CDC27: variants seen among roughly 807,000 people sequenced by gnomAD.
CDC27 encodes the protein cell division cycle protein 27 homolog.
A neutral mutation model predicts 109.7 loss-of-function variants in CDC27; 27 were observed. The ratio of observed to expected loss-of-function variants is 0.25; its 90% CI spans 0.18 to 0.34. The LOEUF (loss-of-function observed/expected upper bound fraction) is 0.34, where lower values mean the gene tolerates loss of function less well. Among genes scored for constraint, CDC27 ranks in the 10% least tolerant of loss-of-function variants. The pLI is 1.00. For synonymous variants in CDC27, 266 were observed against 333.9 expected, an observed-to-expected ratio of 0.80 and a Z score of 2.22; for missense variants, 579 against 960.2, an observed-to-expected ratio of 0.60 and a Z score of 5.25.
At chr17:47,150,400 T>C (rs1251215743) in intron 9 of CDC27, among the ~76,000 whole-genome samples, 1 of 152,198 alleles carries the variant, frequency 6.6e-6, no homozygotes, top group Non-Finnish European at 1.5e-5. Flanking sequence ...ATAACTGTTG[T>C]CTTTACAAGA....
Position 47,128,437 on chromosome 17 carries a change from CT to C in CDC27, c.2160+955del, listed in dbSNP as rs1445774824. On this transcript the variant is annotated intron_variant, in intron 16 of 18. Transcript: ENST00000066544. ...ATCTCTTTCTCAGTTTCCTTATCTT[CT>C]TTTTTCAATACTTGTTTCAGGCTAA... 4.6e-5 allele frequency among the ~76,000 whole-genome samples: 7 copies of C among 152,098 alleles called. No homozygotes were observed. In the East Asian group the frequency reaches 1.3e-3, roughly 29 times the overall value.
Position 47,143,872 on chromosome 17 carries a change from C to T in CDC27, c.1170+11G>A, listed in dbSNP as rs556376188. ...TTAAGTAAATGTGACATACAGAAAT[C>T]TTTAAATTACCTTGGTTGTGGAGCT... On this transcript the variant is annotated intron_variant, in intron 10 of 18. Coordinates refer to ENST00000066544, the MANE Select transcript of CDC27 (RefSeq NM_001256.6). The T allele has an allele frequency of 7.3e-7, 1 of 1,362,704 alleles. No individual in the cohort carries two copies. The highest frequency in any genetic ancestry group is 9.8e-7 in the Non-Finnish European group (1 of 1,023,680). 84.4% of individuals were successfully genotyped at this position (1,362,704 alleles called of 1,614,324 possible). A position where few individuals can be genotyped will look rare whatever the true frequency, so the allele number is the denominator to read the frequency against.
At chr17:47,173,263 C>T (rs1598574711) in intron 2 of CDC27, among the ~76,000 whole-genome samples, 1 of 151,846 alleles carries the variant, frequency 6.6e-6, no homozygotes, top group East Asian at 1.9e-4. Flanking sequence ...TCTGGTCCAT[C>T]TTATGGTTTT....
chr17:47,126,401 T>A (rs2062141652), intron 16 of CDC27, among the ~76,000 whole-genome samples: 1 of 152,072 alleles, frequency 6.6e-6, no homozygotes, highest in African/African-American at 2.4e-5. Context: ...TTTTTCTGAG[T>A]CTACTGTGGC....
Position 47,179,957 on chromosome 17 carries a change from G to A in CDC27, c.103+1605C>T, listed in dbSNP as rs557046992. Reference sequence around the variant, plus strand: ...TTTAATAATAAACAAAAACAAAAAGGAAATACTAGAAATAGAAGACAGTGG... The same window carrying A: ...TTTAATAATAAACAAAAACAAAAAGAAAATACTAGAAATAGAAGACAGTGG... On this transcript the variant is annotated intron_variant, in intron 2 of 18. Coordinates refer to ENST00000066544, the MANE Select transcript of CDC27 (RefSeq NM_001256.6). Among the ~76,000 whole-genome samples the A allele has an allele frequency of 6.6e-5, 10 of 152,146 alleles. No homozygotes were observed. In the East Asian group the frequency reaches 1.9e-3, roughly 29 times the overall value.
rs1255468847 is a variant in CDC27, at chr17:47,133,026, TATACAC to T, written c.1914-658_1914-653del. On this transcript the variant is annotated intron_variant, in intron 14 of 18. Coordinates refer to ENST00000066544, the MANE Select transcript of CDC27 (RefSeq NM_001256.6). The stretch of plus-strand genomic sequence containing the variant: ...ATATATATATATATATATATATATA[TATACAC>T]ACACACACACACACACACACACATA... 5.3e-3 allele frequency among the ~76,000 whole-genome samples: 173 copies of T among 32,358 alleles called. 7 individuals are homozygous for T. In the East Asian group the frequency reaches 0.066, roughly 12 times the overall value. 21.2% of individuals were successfully genotyped at this position (32,358 alleles called of 152,430 possible).
At chr17:47,163,774 C>CT in intron 4 of CDC27, among the ~76,000 whole-genome samples, 1 of 152,132 alleles carries the variant, frequency 6.6e-6, no homozygotes, top group East Asian at 1.9e-4. Flanking sequence ...GTTTCTTTTG[C>CT]TTTTTTTGAG....
rs1044720813 is a variant in CDC27 at position 47,119,800 on chromosome 17, C to T, written c.*1135G>A. The T allele has an allele frequency of 6.6e-6, 1 of 152,060 alleles. No homozygotes were observed. The highest frequency in any genetic ancestry group is 1.5e-5 in the Non-Finnish European group (1 of 68,006). 9.4% of individuals were successfully genotyped at this position (152,060 alleles called of 1,614,324 possible). A position where few individuals can be genotyped will look rare whatever the true frequency, so the allele number is the denominator to read the frequency against. On this transcript the variant is annotated 3_prime_UTR_variant, in exon 19 of 19. Coordinates refer to ENST00000066544, the MANE Select transcript of CDC27 (RefSeq NM_001256.6). ...CTCCTTCATAAGAATGTTTTTTCCCCCAAGCTAAAAATTTCCAACATCCTA... is the reference window on the plus strand; with the variant it reads ...CTCCTTCATAAGAATGTTTTTTCCCTCAAGCTAAAAATTTCCAACATCCTA...
intron 4 of CDC27, among the ~76,000 whole-genome samples, chr17:47,158,779 C>T (rs979258625): frequency 2.0e-5 from 3 of 152,076 alleles, no homozygotes; most frequent in Non-Finnish European, 2.9e-5. Flanking sequence ...CCACCATATC[C>T]GGCTAATTTT....
At chr17:47,131,389 T>C (rs1373343145) in intron 15 of CDC27, among the ~76,000 whole-genome samples, 1 of 152,196 alleles carries the variant, frequency 6.6e-6, no homozygotes, top group Non-Finnish European at 1.5e-5. Flanking sequence ...AAAATTATCA[T>C]GGTCAATGTC....
chr17:47,181,399 G>T, intron 2 of CDC27, 163 bp downstream of exon 2: 1 of 372,624 alleles, frequency 2.7e-6, no homozygotes. Flanking sequence ...AAAGTAGTAT[G>T]TAAGGGAACT....
Position 47,157,024 on chromosome 17 carries a change from G to A in CDC27, c.731C>T (p.Thr244Ile). 3.8e-6 allele frequency: 6 copies of A among 1,573,048 alleles called. No homozygotes were observed. The highest frequency in any genetic ancestry group is 1.1e-5 in the South Asian group (1 of 89,414). ...YIDSAVISPD[T>I]VPLGTGTSIL... ...GGAAGTTCCTGTTCCCAGTGGGACA[G>A]TATCAGGTGAAATTACAGCTGAATC... The change falls in exon 7 of 19, where the codon ACT (threonine) becomes ATT (isoleucine). Residue 244 changes from threonine (T) to isoleucine (I), a missense_variant. By Grantham distance (89) the Thr-to-Ile change is moderately conservative (BLOSUM62 -1). This residue lies in a region of CDC27 where 74 missense variants were observed against 148.9 expected (regional missense o/e 0.50). Transcript: ENST00000066544.
At chr17:47,186,158 A>C (rs908682951) in intron 1 of CDC27, among the ~76,000 whole-genome samples, 1 of 152,178 alleles carries the variant, frequency 6.6e-6, no homozygotes, top group African/African-American at 2.4e-5. Flanking sequence ...AATATTCCCA[A>C]AGTGGTGCTT....
At chr17:47,134,474 G>GT (rs112150744) in intron 14 of CDC27, among the ~76,000 whole-genome samples, 3,315 of 146,690 alleles carry the variant, frequency 0.023, 44 homozygotes, top group Middle Eastern at 0.083. Flanking sequence ...ATGCCTAATT[G>GT]TTTTTTTTTT....
intron 9 of CDC27, among the ~76,000 whole-genome samples, chr17:47,147,518 A>G (rs1024607123): frequency 1.3e-5 from 2 of 152,200 alleles, no homozygotes; most frequent in African/African-American, 2.4e-5. Flanking sequence ...TAGAAATAAC[A>G]AAGTAACAGA....
chr17:47,151,491 G>C (rs978737010), intron 9 of CDC27, among the ~76,000 whole-genome samples: 1 of 152,180 alleles, frequency 6.6e-6, no homozygotes, highest in East Asian at 1.9e-4. Context: ...CATGCATAAT[G>C]TGGGGAAGGG....
At chr17:47,173,329 G>C (rs890085644) in intron 2 of CDC27, among the ~76,000 whole-genome samples, 7 of 150,870 alleles carry the variant, frequency 4.6e-5, no homozygotes, top group Non-Finnish European at 7.4e-5. Flanking sequence ...AATTTTGGCA[G>C]ATGTGTTTTA....
chr17:47,168,188 A>G (rs2063706311), intron 4 of CDC27, among the ~76,000 whole-genome samples: 1 of 152,130 alleles, frequency 6.6e-6, no homozygotes, highest in South Asian at 2.1e-4. Flanking sequence ...TCTTATCACC[A>G]ATTTAATGGT....
At chr17:47,187,851 T>TA (rs5820646) in intron 1 of CDC27, among the ~76,000 whole-genome samples, 149,785 of 150,174 alleles carry the variant, frequency 1, 74,699 homozygotes, top group Middle Eastern at 1. Context: ...ACAGCCAGAA[T>TA]AAAAAAAAAT....
Sources: allele counts gnomAD v4.1 joint callset (sites outside exome capture counted in the v4.1 genomes callset), GRCh38; gene constraint gnomAD v4.1.1; regional missense constraint gnomAD v4.1.1; transcripts MANE v1.5; gene names NCBI Gene and HGNC (gene_info 2026-07-23, HGNC 2026-07-21).